BRINP3: variants seen among roughly 807,000 people sequenced by gnomAD.
BRINP3 encodes the protein BMP/retinoic acid inducible neural specific 3, also known as BMP/retinoic acid-inducible neural-specific protein 3.
In BRINP3, 19 loss-of-function variants were observed where a neutral mutation model predicts 71.0. The observed-to-expected ratio is 0.27, with a 90% confidence interval of 0.19 to 0.39. BRINP3 has a LOEUF of 0.39. BRINP3 is among the 10% of genes least tolerant of loss of function. The probability of loss-of-function intolerance (pLI) is 1.00; values close to 1 mark genes in which losing one functional copy is unlikely to be tolerated. For missense variants in BRINP3, 959 were observed against 940.8 expected, an observed-to-expected ratio of 1.02 and a Z score of -0.25; for synonymous variants, 380 against 337.7, an observed-to-expected ratio of 1.13 and a Z score of -1.37.
chr1:190,411,200 G>A (rs866423093), intron 2 of BRINP3, among the ~76,000 whole-genome samples: 15 of 152,164 alleles, frequency 9.9e-5, no homozygotes, highest in Non-Finnish European at 1.5e-4. Context: ...GAAGCAACAG[G>A]AAAAGGATGG....
At chr1:190,464,354 G>T (rs1354230175) in intron 1 of BRINP3, among the ~76,000 whole-genome samples, 1 of 151,798 alleles carries the variant, frequency 6.6e-6, no homozygotes, top group Non-Finnish European at 1.5e-5. Flanking sequence ...AACAAAGTAG[G>T]TCATAAATTA....
At chr1:190,310,228 T>C (rs894184673) in intron 2 of BRINP3, among the ~76,000 whole-genome samples, 1 of 151,622 alleles carries the variant, frequency 6.6e-6, no homozygotes, top group Admixed American at 6.6e-5. Flanking sequence ...GCAAAACATT[T>C]GCAGTTAATT....
At chr1:190,349,928 A>G (rs1668264676) in intron 2 of BRINP3, among the ~76,000 whole-genome samples, 1 of 152,118 alleles carries the variant, frequency 6.6e-6, no homozygotes, top group Admixed American at 6.5e-5. Flanking sequence ...TGTGGACGAG[A>G]AAATGCTTTT....
At chr1:190,159,304 G>A (rs573753420) in intron 7 of BRINP3, among the ~76,000 whole-genome samples, 5 of 152,170 alleles carry the variant, frequency 3.3e-5, no homozygotes, top group Admixed American at 2.6e-4. Flanking sequence ...GTGAAAAACA[G>A]TTTGGTAGCT....
intron 6 of BRINP3, among the ~76,000 whole-genome samples, chr1:190,170,350 C>T (rs1293435064): frequency 6.6e-6 from 1 of 151,996 alleles, no homozygotes; most frequent in South Asian, 2.1e-4. Flanking sequence ...TTTGTATTTT[C>T]CCTTTCCAAA....
intron 6 of BRINP3, among the ~76,000 whole-genome samples, chr1:190,189,104 T>G (rs1592245): frequency 6.6e-6 from 1 of 152,074 alleles, no homozygotes; most frequent in Non-Finnish European, 1.5e-5. Context: ...CCTATAATTT[T>G]GTTTTCCTTA....
At position 190,196,195 on chromosome 1, in the gene BRINP3, G is replaced by A. The variant is rs144961699; in HGVS notation, c.961+29887C>T. Reference sequence around the variant, plus strand: ...TTCCAGGTCTCAGTTATGCTTCTTTGTACATTAGATTTAGTTCCTTTAGGA... The same window carrying A: ...TTCCAGGTCTCAGTTATGCTTCTTTATACATTAGATTTAGTTCCTTTAGGA... On this transcript the variant is annotated intron_variant, in intron 6 of 7. Coordinates refer to ENST00000367462, the MANE Select transcript of BRINP3 (RefSeq NM_199051.3). Among the ~76,000 whole-genome samples, 1,298 of 152,140 alleles carry A rather than the reference G, an allele frequency of 8.5e-3. 19 individuals carry two copies. Among genetic ancestry groups the A allele is most frequent in the African/African-American group, 0.03 (1,239 of 41,526 alleles).
chr1:190,345,715 G>GAAAAAAAA (rs10664849), intron 2 of BRINP3, among the ~76,000 whole-genome samples: 1 of 103,626 alleles, frequency 9.7e-6, no homozygotes. Flanking sequence ...TTTACCTTCA[G>GAAAAAAAA]AAAAAAAAAA....
At chr1:190,321,089 A>T (rs745978413) in intron 2 of BRINP3, among the ~76,000 whole-genome samples, 2 of 152,024 alleles carry the variant, frequency 1.3e-5, no homozygotes, top group Non-Finnish European at 2.9e-5. Flanking sequence ...ATGATCTTAC[A>T]TTTTTTATGC....
chr1:190,401,621 G>T (rs1280180650), intron 2 of BRINP3, among the ~76,000 whole-genome samples: 1 of 151,966 alleles, frequency 6.6e-6, no homozygotes, highest in African/African-American at 2.4e-5. Flanking sequence ...TGACACATGT[G>T]GGATGAACAA....
At chr1:190,184,707 G>A (rs973961237) in intron 6 of BRINP3, among the ~76,000 whole-genome samples, 2 of 151,998 alleles carry the variant, frequency 1.3e-5, no homozygotes, top group Non-Finnish European at 2.9e-5. Flanking sequence ...GTACATAAAC[G>A]TAGCAAAAAT....
chr1:190,374,150 C>A (rs890187301), intron 2 of BRINP3, among the ~76,000 whole-genome samples: 1 of 151,870 alleles, frequency 6.6e-6, no homozygotes, highest in Non-Finnish European at 1.5e-5. Context: ...TGTGTATGTA[C>A]ACATACATAT....
intron 2 of BRINP3, among the ~76,000 whole-genome samples, chr1:190,365,480 T>C (rs2102151227): frequency 6.7e-6 from 1 of 149,956 alleles, no homozygotes; most frequent in East Asian, 2.0e-4. Flanking sequence ...AATATTATAA[T>C]ATTAATTATA....
At chr1:190,107,279 C>T (rs1199891978) in intron 7 of BRINP3, among the ~76,000 whole-genome samples, 3 of 151,916 alleles carry the variant, frequency 2.0e-5, no homozygotes, top group African/African-American at 7.2e-5. Context: ...CCTTTACATT[C>T]TGACAACATC....
chr1:190,126,494 T>C (rs1173631551), intron 7 of BRINP3, among the ~76,000 whole-genome samples: 1 of 151,982 alleles, frequency 6.6e-6, no homozygotes, highest in African/African-American at 2.4e-5. Context: ...TACACCCTGT[T>C]ATTATAATTG....
chr1:190,241,660 T>G (rs1194960723), intron 4 of BRINP3, among the ~76,000 whole-genome samples: 2 of 152,036 alleles, frequency 1.3e-5, no homozygotes, highest in Non-Finnish European at 2.9e-5. Context: ...AAGTATGAAT[T>G]TATTAATGCT....
At chr1:190,338,579 T>C (rs1228730221) in intron 2 of BRINP3, among the ~76,000 whole-genome samples, 1 of 151,972 alleles carries the variant, frequency 6.6e-6, no homozygotes, top group Non-Finnish European at 1.5e-5. Flanking sequence ...AAATGATGCA[T>C]ATCAAAACAT....
At chr1:190,142,328 A>G (rs1376767364) in intron 7 of BRINP3, among the ~76,000 whole-genome samples, 1 of 152,230 alleles carries the variant, frequency 6.6e-6, no homozygotes, top group Non-Finnish European at 1.5e-5. Flanking sequence ...AAGCACCTGA[A>G]ATGATAACTA....
intron 2 of BRINP3, among the ~76,000 whole-genome samples, chr1:190,363,879 G>C (rs1446608962): frequency 1.3e-5 from 2 of 152,098 alleles, no homozygotes; most frequent in Non-Finnish European, 2.9e-5. Context: ...CCGAATGATG[G>C]GCTGCAACTT....
Sources: gnomAD v4.1 joint callset for allele counts (sites outside exome capture counted in the v4.1 genomes callset) on GRCh38, gnomAD v4.1.1 for gene constraint, MANE v1.5 for transcripts, NCBI Gene and HGNC (gene_info 2026-07-23, HGNC 2026-07-21) for gene names.